Variants in PTPRD observed in about 807,000 individuals in gnomAD.
PTPRD encodes protein tyrosine phosphatase receptor type D, also known as receptor-type tyrosine-protein phosphatase delta.
Under a neutral mutation model 214.5 loss-of-function variants are expected in PTPRD, and 34 were observed. The observed-to-expected ratio is 0.16, with a 90% CI of 0.12 to 0.21. The LOEUF (loss-of-function observed/expected upper bound fraction) is 0.21. Among genes scored for constraint, PTPRD ranks in the 10% least tolerant of loss-of-function variants. The pLI is 1.00. For missense variants in PTPRD, 2,545 were observed against 2,398.7 expected (o/e 1.06, Z -1.27); for synonymous variants, 1,128 against 845.7 (o/e 1.33, Z -5.79).
chr9:9,196,070 A>T (rs577214625), intron 9 of PTPRD, among the ~76,000 whole-genome samples: 1 of 152,258 alleles, frequency 6.6e-6, no homozygotes, highest in Admixed American at 6.6e-5. Context: ...CCCATGTCTG[A>T]CCACTTGTTA....
At chr9:9,626,092 T>C (rs1057335867) in intron 7 of PTPRD, among the ~76,000 whole-genome samples, 4 of 152,190 alleles carry the variant, frequency 2.6e-5, no homozygotes, top group Non-Finnish European at 4.4e-5. Context: ...GAATTAGGTC[T>C]ACGAGCCACA....
chr9:9,255,543 T>C (rs1026654461), intron 9 of PTPRD, among the ~76,000 whole-genome samples: 2 of 152,068 alleles, frequency 1.3e-5, no homozygotes, highest in Non-Finnish European at 2.9e-5. Context: ...GTATGTAACA[T>C]TGGGCAACTC....
chr9:9,677,808 A>G (rs368353221), intron 7 of PTPRD, among the ~76,000 whole-genome samples: 1 of 152,128 alleles, frequency 6.6e-6, no homozygotes, highest in Non-Finnish European at 1.5e-5. Context: ...ATGATTGTAT[A>G]TCTAGAAAAC....
chr9:10,013,471 T>C (rs16930810), intron 4 of PTPRD, among the ~76,000 whole-genome samples: 22,431 of 151,660 alleles, frequency 0.15, 1,929 homozygotes, highest in African/African-American at 0.22. Flanking sequence ...TAACAAGCCA[T>C]ACCAAAAGGG....
chr9:9,090,831 A>T, intron 10 of PTPRD: 2 of 750,838 alleles, frequency 2.7e-6, no homozygotes, highest in Non-Finnish European at 4.8e-6. Context: ...ATGATATCTT[A>T]TTCCATTGAC....
intron 3 of PTPRD, among the ~76,000 whole-genome samples, chr9:10,139,629 C>T (rs933619096): frequency 6.6e-6 from 1 of 152,006 alleles, no homozygotes; most frequent in African/African-American, 2.4e-5. Flanking sequence ...TGTTATCCTA[C>T]TTCAAACTGG....
In PTPRD at chr9:9,690,178, C is replaced by A. The variant is rs1350853829; in HGVS notation, c.-287+44355G>T. On this transcript the variant is annotated intron_variant, in intron 7 of 45. Transcript: ENST00000381196. Reference sequence around the variant, plus strand: ...GTTATTGCCTGTCTTTGGATATAAGCCATTTTAAGTGGAGTGAAATATCTG... The same window carrying A: ...GTTATTGCCTGTCTTTGGATATAAGACATTTTAAGTGGAGTGAAATATCTG... Among the ~76,000 whole-genome samples, 3 of 151,780 alleles carry A rather than the reference C, an allele frequency of 2.0e-5. No homozygotes were observed. In the Admixed American group the frequency reaches 2.0e-4, roughly 10 times the overall value.
chr9:8,464,028 T>A (rs1052456816), intron 32 of PTPRD, among the ~76,000 whole-genome samples: 2 of 151,764 alleles, frequency 1.3e-5, no homozygotes, highest in Admixed American at 1.3e-4. Flanking sequence ...TTGGAAAAAA[T>A]TCTTGATTCT....
chr9:10,606,738 A>T (rs1184836728), intron 2 of PTPRD, among the ~76,000 whole-genome samples: 1 of 151,832 alleles, frequency 6.6e-6, no homozygotes, highest in African/African-American at 2.4e-5. Flanking sequence ...AGTAGTAAAA[A>T]ATGCATGTGA....
chr9:9,546,182 T>G (rs893964674), intron 8 of PTPRD, among the ~76,000 whole-genome samples: 1 of 151,740 alleles, frequency 6.6e-6, no homozygotes, highest in African/African-American at 2.4e-5. Context: ...TGCATTAATC[T>G]TAGATCCTGA....
intron 37 of PTPRD, among the ~76,000 whole-genome samples, chr9:8,380,179 T>A (rs1266145307): frequency 2.0e-5 from 3 of 152,136 alleles, no homozygotes; most frequent in Admixed American, 2.0e-4. Flanking sequence ...ATTTAGGATT[T>A]TCTAGGTGCA....
intron 7 of PTPRD, among the ~76,000 whole-genome samples, chr9:9,628,675 C>T (rs2095495767): frequency 6.6e-6 from 1 of 151,910 alleles, no homozygotes; most frequent in African/African-American, 2.4e-5. Context: ...TTCCCAATTC[C>T]AACCTCCTTC....
At chr9:10,178,421 T>C (rs1174300826) in intron 3 of PTPRD, among the ~76,000 whole-genome samples, 1 of 151,864 alleles carries the variant, frequency 6.6e-6, no homozygotes, top group African/African-American at 2.4e-5. Flanking sequence ...TTAATTTGTT[T>C]TAAAAGAAGA....
intron 11 of PTPRD, among the ~76,000 whole-genome samples, chr9:8,934,510 TATATATATAAATATA>T (rs2098982576): frequency 2.4e-5 from 1 of 42,378 alleles, no homozygotes; most frequent in African/African-American, 1.1e-4. Flanking sequence ...TATATAAATA[TATATATATAAATATA>T]TATATATATG....
chr9:10,072,052 G>T (rs1428216749), intron 3 of PTPRD, among the ~76,000 whole-genome samples: 1 of 151,728 alleles, frequency 6.6e-6, no homozygotes, highest in African/African-American at 2.4e-5. Flanking sequence ...CTCTGTAAAA[G>T]AGAAGAAAAA....
chr9:8,933,339 G>GTTTTTTTTTTTTT (rs1567089304), intron 11 of PTPRD, among the ~76,000 whole-genome samples: 14 of 68,796 alleles, frequency 2.0e-4, no homozygotes, highest in East Asian at 1.8e-3. Context: ...ACAACCTTGA[G>GTTTTTTTTTTTTT]GTTTTTTTTT....
intron 2 of PTPRD, among the ~76,000 whole-genome samples, chr9:10,561,186 T>A (rs1369025704): frequency 2.0e-5 from 3 of 152,192 alleles, no homozygotes; most frequent in Non-Finnish European, 4.4e-5. Context: ...GTCTTCTGTT[T>A]TAAGCTGGGT....
intron 21 of PTPRD, among the ~76,000 whole-genome samples, chr9:8,507,732 G>A (rs1026953093): frequency 5.3e-5 from 8 of 152,072 alleles, no homozygotes; most frequent in African/African-American, 1.9e-4. Flanking sequence ...TCATGATATG[G>A]TTGTTAGTAA....
At chr9:8,484,617 CATAT>C (rs146338445) in intron 29 of PTPRD, among the ~76,000 whole-genome samples, 1 of 147,822 alleles carries the variant, frequency 6.8e-6, no homozygotes, top group East Asian at 2.0e-4. Flanking sequence ...TAGATATATA[CATAT>C]ATATATATAG....
Sources: gnomAD v4.1 joint callset for allele counts (sites outside exome capture counted in the v4.1 genomes callset) on GRCh38, gnomAD v4.1.1 for gene constraint, MANE v1.5 for transcripts, NCBI Gene and HGNC (gene_info 2026-07-23, HGNC 2026-07-21) for gene names.